Variants in GABRB1 observed in about 807,000 individuals in gnomAD.
GABRB1 encodes the protein gamma-aminobutyric acid type A receptor subunit beta1.
GABRB1 carries 17 observed loss-of-function variants against 51.6 expected under a neutral mutation model. That is an observed-to-expected ratio of 0.33 (90% CI 0.23 to 0.49). GABRB1 has a LOEUF of 0.49. GABRB1 is among the 20% of genes least tolerant of loss of function. The probability of loss-of-function intolerance (pLI) is 0.99; values close to 1 mark genes in which losing one functional copy is unlikely to be tolerated. For missense variants in GABRB1, 410 were observed against 600.6 expected, an observed-to-expected ratio of 0.68 and a Z score of 3.32; for synonymous variants, 247 against 218.9, an observed-to-expected ratio of 1.13 and a Z score of -1.14.
chr4:47,289,227 A>T (rs1723633971), intron 4 of GABRB1, among the ~76,000 whole-genome samples: 1 of 152,180 alleles, frequency 6.6e-6, no homozygotes, highest in South Asian at 2.1e-4. Flanking sequence ...AAGGAATGCC[A>T]CATTTTCAAA....
intron 5 of GABRB1, among the ~76,000 whole-genome samples, chr4:47,322,745 T>A (rs1031827873): frequency 6.6e-6 from 1 of 151,854 alleles, no homozygotes; most frequent in Admixed American, 6.6e-5. Flanking sequence ...CCAAGAAGGG[T>A]GGATCGCCTG....
chr4:47,358,346 A>G (rs1726663462), intron 5 of GABRB1, among the ~76,000 whole-genome samples: 1 of 151,824 alleles, frequency 6.6e-6, no homozygotes, highest in African/African-American at 2.4e-5. Flanking sequence ...ATATATGCAT[A>G]TTATATATGT....
intron 3 of GABRB1, among the ~76,000 whole-genome samples, chr4:47,068,275 C>T (rs143104940): frequency 5.3e-4 from 81 of 152,294 alleles, no homozygotes; most frequent in Non-Finnish European, 9.1e-4. Context: ...ACTTTCTCCA[C>T]GTCTGTAATA....
intron 1 of GABRB1, among the ~76,000 whole-genome samples, chr4:47,014,263 GCTA>G (rs1429528272): frequency 6.6e-6 from 1 of 152,124 alleles, no homozygotes; most frequent in East Asian, 1.9e-4. Context: ...GATTTTGAGA[GCTA>G]CTAAGGTAAA....
chr4:47,087,517 CGCTGCATCCCCCGTTA>C (rs1728126546), intron 3 of GABRB1, among the ~76,000 whole-genome samples: 1 of 151,428 alleles, frequency 6.6e-6, no homozygotes, highest in Non-Finnish European at 1.5e-5. Context: ...AACTCTGAGG[CGCTGCATCCCCCGTTA>C]GCACTTTCTT....
intron 4 of GABRB1, among the ~76,000 whole-genome samples, chr4:47,165,173 A>G (rs1326227471): frequency 6.6e-6 from 1 of 152,016 alleles, no homozygotes; most frequent in Non-Finnish European, 1.5e-5. Flanking sequence ...GTCACTTAAA[A>G]TTCTTCTGTT....
chr4:47,011,503 G>C (rs1724580178), intron 1 of GABRB1, among the ~76,000 whole-genome samples: 1 of 152,118 alleles, frequency 6.6e-6, no homozygotes, highest in African/African-American at 2.4e-5. Context: ...AAATGGTTTT[G>C]TTTGACCATT....
intron 8 of GABRB1, among the ~76,000 whole-genome samples, chr4:47,424,509 A>G (rs760710319): frequency 2.6e-5 from 4 of 151,836 alleles, no homozygotes; most frequent in Non-Finnish European, 4.4e-5. Context: ...TCTTGTTTGT[A>G]TTTGCCGCCT....
chr4:47,351,002 C>A (rs1398048982), intron 5 of GABRB1, among the ~76,000 whole-genome samples: 2 of 152,226 alleles, frequency 1.3e-5, no homozygotes, highest in African/African-American at 4.8e-5. Flanking sequence ...AAAGTTTCTT[C>A]CACATTTTAG....
chr4:47,115,461 T>C (rs564135351), intron 3 of GABRB1, among the ~76,000 whole-genome samples: 1 of 152,022 alleles, frequency 6.6e-6, no homozygotes, highest in Admixed American at 6.6e-5. Flanking sequence ...AATAATATCT[T>C]GAGAAATGTG....
chr4:46,994,765 T>A (rs1472070432), intron 1 of GABRB1, among the ~76,000 whole-genome samples: 1 of 152,294 alleles, frequency 6.6e-6, no homozygotes, highest in Admixed American at 6.5e-5. Flanking sequence ...ATATGATGGA[T>A]CAATGAGCTA....
chr4:47,361,156 G>A (rs1338264181), intron 5 of GABRB1, among the ~76,000 whole-genome samples: 7 of 151,956 alleles, frequency 4.6e-5, no homozygotes, highest in African/African-American at 9.7e-5. Flanking sequence ...GTGGTGCATC[G>A]CATGGTTCTT....
intron 3 of GABRB1, among the ~76,000 whole-genome samples, chr4:47,155,689 T>G (rs1207196874): frequency 6.6e-6 from 1 of 151,824 alleles, no homozygotes; most frequent in African/African-American, 2.4e-5. Context: ...CTACAGTGCA[T>G]AGCTGTTTTT....
chr4:47,385,872 A>G (rs1178360608), intron 5 of GABRB1, among the ~76,000 whole-genome samples: 5 of 152,334 alleles, frequency 3.3e-5, no homozygotes, highest in Admixed American at 6.5e-5. Flanking sequence ...TCAGGAAAAC[A>G]GTCTACTTAC....
intron 3 of GABRB1, among the ~76,000 whole-genome samples, chr4:47,131,722 G>A (rs1409269515): frequency 5.9e-5 from 9 of 152,100 alleles, no homozygotes; most frequent in African/African-American, 2.2e-4. Context: ...TGGGGTATTA[G>A]GGCCCAGTTT....
chr4:47,196,575 C>A (rs943821072), intron 4 of GABRB1, among the ~76,000 whole-genome samples: 29 of 152,144 alleles, frequency 1.9e-4, no homozygotes, highest in Non-Finnish European at 4.0e-4. Context: ...AGGAACTCTT[C>A]GAAGACCTTC....
chr4:47,114,384 T>C (rs1715377577), intron 3 of GABRB1, among the ~76,000 whole-genome samples: 1 of 152,130 alleles, frequency 6.6e-6, no homozygotes. Context: ...TTCTCTCTGG[T>C]CTTGGTGTCC....
At chr4:47,238,571 G>A (rs963060977) in intron 4 of GABRB1, among the ~76,000 whole-genome samples, 8 of 152,066 alleles carry the variant, frequency 5.3e-5, no homozygotes, top group African/African-American at 9.7e-5. Context: ...AAACATGCTC[G>A]GAAAATCCAG....
chr4:47,065,199 T>C (rs1459669834), intron 3 of GABRB1, among the ~76,000 whole-genome samples: 1 of 152,198 alleles, frequency 6.6e-6, no homozygotes, highest in Non-Finnish European at 1.5e-5. Context: ...GAAAGACAAA[T>C]GGCATATTAA....
Sources: gnomAD v4.1 joint callset for allele counts (sites outside exome capture counted in the v4.1 genomes callset) on GRCh38, gnomAD v4.1.1 for gene constraint, MANE v1.5 for transcripts, NCBI Gene and HGNC (gene_info 2026-07-23, HGNC 2026-07-21) for gene names.